ARHGEF26: variants seen among roughly 807,000 people sequenced by gnomAD.
ARHGEF26 encodes the protein Rho guanine nucleotide exchange factor (GEF) 26.
In ARHGEF26, 59 loss-of-function variants were observed where a neutral mutation model predicts 89.4. The observed-to-expected ratio is 0.66, with a 90% CI of 0.54 to 0.82. The LOEUF is 0.82. Ranked by LOEUF, ARHGEF26 falls within the 40% of genes least tolerant of loss-of-function variation. The pLI is 0.00. For synonymous variants in ARHGEF26, 500 were observed against 428.4 expected, an observed-to-expected ratio of 1.17 and a Z score of -2.06; for missense variants, 1,234 against 1,085.6, an observed-to-expected ratio of 1.14 and a Z score of -1.92.
intron 11 of ARHGEF26, among the ~76,000 whole-genome samples, chr3:154,229,513 G>A (rs1348043109): frequency 2.6e-5 from 4 of 152,204 alleles, no homozygotes; most frequent in Non-Finnish European, 5.9e-5. Context: ...GGTATTTGAA[G>A]CTTTGACTAG....
At chr3:154,195,265 TG>T (rs1274618729) in intron 9 of ARHGEF26, among the ~76,000 whole-genome samples, 67 of 152,148 alleles carry the variant, frequency 4.4e-4, no homozygotes, top group African/African-American at 1.6e-3. Flanking sequence ...AAGAAAATAT[TG>T]GAGATTTTGA....
chr3:154,183,870 T>C (rs1713331828), intron 6 of ARHGEF26, among the ~76,000 whole-genome samples: 1 of 152,236 alleles, frequency 6.6e-6, no homozygotes, highest in Non-Finnish European at 1.5e-5. Context: ...TCCTTCAGGC[T>C]GGTAACAGTG....
chr3:154,137,212 G>A (rs1332984507), intron 4 of ARHGEF26, among the ~76,000 whole-genome samples: 1 of 152,156 alleles, frequency 6.6e-6, no homozygotes, highest in East Asian at 1.9e-4. Context: ...AGATTACTGG[G>A]CTAATGGATT....
intron 12 of ARHGEF26, among the ~76,000 whole-genome samples, 174 bp from the exon 13 acceptor site, chr3:154,252,942 C>A (rs1418703240): frequency 6.6e-6 from 1 of 152,130 alleles, no homozygotes; most frequent in African/African-American, 2.4e-5. Context: ...TAGTCTCCTG[C>A]TTATTTTAGA....
rs562212403 is a variant in ARHGEF26 at position 154,152,833 on chromosome 3, G to A, written c.1388G>A (p.Arg463Gln). 1.1e-5 allele frequency: 18 copies of A among 1,574,538 alleles called. No homozygotes were observed. The highest frequency in any genetic ancestry group is 6.9e-5 in the East Asian group (3 of 43,304). ...TTACTCAGCTTGGAGATCTTGATAC[G>A]AATGTTTAAAAATTCTAAAGAACTG... ...SYLLSLEILI[R>Q]MFKNSKELSD... The change falls in exon 6 of 15, where the codon CGA becomes CAA. Residue 463 changes from arginine (R) to glutamine (Q), a missense_variant. Transcript: ENST00000465093.
chr3:154,153,534 AT>A (rs1271191991), intron 6 of ARHGEF26, among the ~76,000 whole-genome samples: 3 of 152,008 alleles, frequency 2.0e-5, no homozygotes, highest in African/African-American at 7.2e-5. Flanking sequence ...GAATAAGGTT[AT>A]TTTCTTACAT....
At chr3:154,180,715 A>C (rs543222706) in intron 6 of ARHGEF26, among the ~76,000 whole-genome samples, 8 of 36,350 alleles carry the variant, frequency 2.2e-4, no homozygotes, top group Admixed American at 1.9e-3. Flanking sequence ...TTAATTTCTT[A>C]TCCTCTTATT....
chr3:154,182,240 T>A (rs1292541684), intron 6 of ARHGEF26, among the ~76,000 whole-genome samples: 1 of 152,082 alleles, frequency 6.6e-6, no homozygotes. Context: ...TATGAAGTCA[T>A]AGAACAAGAG....
At chr3:154,230,058 G>T (rs979074946) in intron 11 of ARHGEF26, among the ~76,000 whole-genome samples, 1 of 152,158 alleles carries the variant, frequency 6.6e-6, no homozygotes, top group African/African-American at 2.4e-5. Context: ...ATCTAACTAG[G>T]TTCAAGCTAC....
rs541621878 is a variant in ARHGEF26 at position 154,253,245 on chromosome 3, G to T, written c.2368+62G>T. On this transcript the variant is annotated intron_variant, in intron 13 of 14. Transcript: ENST00000465093. ...GGATGGGCTCTGCCCCCTGCTGGAC[G>T]CCGGGTTACTAACGAGTTATATTGC... The T allele has an allele frequency of 2.9e-5, 46 of 1,586,668 alleles. No individual in the cohort carries two copies. The African/African-American group carries it at 5.9e-4, about 20-fold the overall frequency.
chr3:154,122,978 G>T lies in ARHGEF26; in HGVS notation c.986G>T (p.Ser329Ile), dbSNP rs764497151. The T allele has an allele frequency of 3.7e-6, 6 of 1,613,836 alleles. No homozygotes were observed. The highest frequency in any genetic ancestry group is 4.5e-5 in the East Asian group (2 of 44,870). Reference sequence around the variant, plus strand: ...GTGGTCAGTGGCTTTGATTTTGACAGTCCTACCAGCTCGAAGAAGAAGAAC... The same window carrying T: ...GTGGTCAGTGGCTTTGATTTTGACATTCCTACCAGCTCGAAGAAGAAGAAC... The part of the protein sequence containing the change: ...RAVVSGFDFD[S>I]PTSSKKKNRM... The change falls in exon 2 of 15, where the codon AGT (serine) becomes ATT (isoleucine). Residue 329 changes from serine (S) to isoleucine (I), a missense_variant. Transcript: ENST00000465093.
Position 154,240,365 on chromosome 3 carries a change from T to G in ARHGEF26, c.2091-5T>G. ...TTGACGTGTTCTTTTCCCTTTCCTTTACAGTGAAGAAAGTTACAACGTCAA... is the reference window on the plus strand; with the variant it reads ...TTGACGTGTTCTTTTCCCTTTCCTTGACAGTGAAGAAAGTTACAACGTCAA... On this transcript the variant is annotated splice_region_variant and splice_polypyrimidine_tract_variant and intron_variant, in intron 11 of 14. Coordinates refer to ENST00000465093, the MANE Select transcript of ARHGEF26 (RefSeq NM_015595.4). The G allele has an allele frequency of 1.9e-6, 3 of 1,594,618 alleles. No homozygotes were observed. The highest frequency in any genetic ancestry group is 2.6e-6 in the Non-Finnish European group (3 of 1,166,882).
chr3:154,254,917 C>A, intron 14 of ARHGEF26, 93 bp downstream of exon 14: 2 of 1,007,150 alleles, frequency 2.0e-6, no homozygotes, highest in South Asian at 1.4e-5. Flanking sequence ...TGCCCATATT[C>A]CAAATCTTGA....
At chr3:154,252,149 T>C (rs577761340) in intron 12 of ARHGEF26, among the ~76,000 whole-genome samples, 39 of 152,240 alleles carry the variant, frequency 2.6e-4, no homozygotes, top group African/African-American at 7.0e-4. Context: ...AGAGTTTTTT[T>C]CCCCAGGTGT....
At chr3:154,145,249 A>G (rs1436897834) in intron 4 of ARHGEF26, among the ~76,000 whole-genome samples, 1 of 152,216 alleles carries the variant, frequency 6.6e-6, no homozygotes, top group African/African-American at 2.4e-5. Flanking sequence ...TTACAGTGAA[A>G]GAACTCTAGC....
Position 154,255,927 on chromosome 3 carries a change from T to C in ARHGEF26, c.*454T>C. The C allele has an allele frequency of 2.0e-6, 2 of 985,004 alleles. No individual in the cohort carries two copies. Among genetic ancestry groups the C allele is most frequent in the Non-Finnish European group, 2.4e-6 (2 of 830,756 alleles). The allele number at this position is 985,004 out of a possible 1,614,324, so 61.0% of individuals were successfully genotyped here. ...CAGTTTTGTAAATATTTCCCTGCCTTTTTTTTTCTTTTTTTACATCTGATT... is the reference window on the plus strand; with the variant it reads ...CAGTTTTGTAAATATTTCCCTGCCTCTTTTTTTCTTTTTTTACATCTGATT... On this transcript the variant is annotated 3_prime_UTR_variant, in exon 15 of 15. Coordinates refer to ENST00000465093, the MANE Select transcript of ARHGEF26 (RefSeq NM_015595.4).
rs1717956254 is a variant in ARHGEF26, at chr3:154,121,979, T to C, written c.-14T>C. 1.3e-6 allele frequency: 2 copies of C among 1,578,314 alleles called. No individual in the cohort carries two copies. Among genetic ancestry groups the C allele is most frequent in the Non-Finnish European group, 8.6e-7 (1 of 1,156,644 alleles). The stretch of plus-strand genomic sequence containing the variant: ...CGGTGTTGCTCCTCCCGGCGCTGAC[T>C]TCGAGGCCCGGCTATGGACGGCGAG... On this transcript the variant is annotated 5_prime_UTR_variant, in exon 2 of 15. Coordinates refer to ENST00000465093, the MANE Select transcript of ARHGEF26 (RefSeq NM_015595.4).
chr3:154,233,185 G>C (rs927618209), intron 11 of ARHGEF26, among the ~76,000 whole-genome samples: 1 of 151,978 alleles, frequency 6.6e-6, no homozygotes, highest in Admixed American at 6.5e-5. Context: ...CTTACCTGCT[G>C]TGCCATATTT....
At chr3:154,128,956 T>A (rs899853389) in intron 3 of ARHGEF26, among the ~76,000 whole-genome samples, 1 of 152,218 alleles carries the variant, frequency 6.6e-6, no homozygotes, top group Non-Finnish European at 1.5e-5. Context: ...TGCTTTAGTA[T>A]CAGCTCCTGA....
Sources: gnomAD v4.1 joint callset for allele counts (sites outside exome capture counted in the v4.1 genomes callset) on GRCh38, gnomAD v4.1.1 for gene constraint, MANE v1.5 for transcripts, NCBI Gene and HGNC (gene_info 2026-07-23, HGNC 2026-07-21) for gene names.